Variants in RGS6 observed in about 807,000 individuals in gnomAD.
The protein encoded by RGS6 is regulator of G protein signaling 6, also known as regulator of G-protein signaling 6.
Under a neutral mutation model 78.5 loss-of-function variants are expected in RGS6, and 30 were observed. That is an observed-to-expected ratio of 0.38 (90% CI 0.29 to 0.52). The LOEUF is 0.52. Among genes scored for constraint, RGS6 ranks in the 20% least tolerant of loss-of-function variants. The pLI, the probability that RGS6 is intolerant of heterozygous loss-of-function variation, is 0.85. For missense variants in RGS6, 495 were observed against 609.7 expected, an observed-to-expected ratio of 0.81 and a Z score of 1.98; for synonymous variants, 206 against 206.0, an observed-to-expected ratio of 1.00 and a Z score of 0.00.
At chr14:72,302,459 G>A (rs1211658452) in intron 2 of RGS6, among the ~76,000 whole-genome samples, 3 of 152,198 alleles carry the variant, frequency 2.0e-5, no homozygotes, top group South Asian at 2.1e-4. Flanking sequence ...TCAGGGCAAA[G>A]TCTTGTCCTT....
chr14:72,265,324 C>G (rs1008700283), intron 2 of RGS6, among the ~76,000 whole-genome samples: 1 of 152,180 alleles, frequency 6.6e-6, no homozygotes, highest in South Asian at 2.1e-4. Flanking sequence ...TGGGTCCAAG[C>G]CCCTTGACCC....
intron 2 of RGS6, among the ~76,000 whole-genome samples, chr14:72,013,271 C>CAAAAAAA (rs59579709): frequency 9.1e-5 from 7 of 77,050 alleles, no homozygotes; most frequent in East Asian, 3.7e-4. Flanking sequence ...ACTCCGTCTC[C>CAAAAAAA]AAAAAAAAAA....
At chr14:72,133,556 C>A (rs1180049515) in intron 2 of RGS6, among the ~76,000 whole-genome samples, 1 of 152,124 alleles carries the variant, frequency 6.6e-6, no homozygotes, top group African/African-American at 2.4e-5. Flanking sequence ...GCTACTGTCC[C>A]CTGGCTTGCA....
chr14:72,397,807 A>G (rs2091683418), intron 3 of RGS6, among the ~76,000 whole-genome samples: 1 of 152,206 alleles, frequency 6.6e-6, no homozygotes, highest in Non-Finnish European at 1.5e-5. Flanking sequence ...TTTTGAGATA[A>G]TCATGTGGTT....
chr14:72,319,396 C>G (rs1446110867), intron 2 of RGS6, among the ~76,000 whole-genome samples: 5 of 150,224 alleles, frequency 3.3e-5, no homozygotes, highest in African/African-American at 1.2e-4. Flanking sequence ...GTTGCCCAGG[C>G]TGGAGTGCAG....
At chr14:72,347,401 G>A (rs570846013) in intron 2 of RGS6, among the ~76,000 whole-genome samples, 1 of 152,308 alleles carries the variant, frequency 6.6e-6, no homozygotes, top group South Asian at 2.1e-4. Context: ...TCATGAGATG[G>A]TTGAGAATCT....
rs1330202333 is a variant in RGS6, at chr14:72,213,952, C to T, written c.85-138143C>T. ...TCTTTTCTTGATGACCTAGCTTCAT[C>T]TTTAAGACTATTATCACATTGTGCT... On this transcript the variant is annotated intron_variant, in intron 2 of 17. Coordinates refer to ENST00000553525, the MANE Select transcript of RGS6 (RefSeq NM_001204424.2). Among the ~76,000 whole-genome samples the T allele has an allele frequency of 2.0e-5, 3 of 152,076 alleles. No individual in the cohort carries two copies. The East Asian group carries it at 5.8e-4, about 29-fold the overall frequency.
intron 2 of RGS6, among the ~76,000 whole-genome samples, chr14:72,003,420 C>T (rs1053926738): frequency 3.3e-5 from 5 of 152,212 alleles, no homozygotes; most frequent in Admixed American, 1.3e-4. Context: ...TTTTGTGCAA[C>T]TGTCACTGCT....
At chr14:72,143,597 G>A (rs1357895811) in intron 2 of RGS6, among the ~76,000 whole-genome samples, 1 of 152,142 alleles carries the variant, frequency 6.6e-6, no homozygotes, top group Admixed American at 6.5e-5. Context: ...ATGGCTTTTG[G>A]GGTGCAGTTT....
At position 72,052,999 on chromosome 14, in the gene RGS6, CTCTCTCTT is replaced by C. The variant is rs1413724332; in HGVS notation, c.84+88128_84+88135del. ...TTTCTTTCTTTCTCTCTCTCTCTCT[CTCTCTCTT>C]TCTTTCCTTCTTTCTTTCTTTCCCC... On this transcript the variant is annotated intron_variant, in intron 2 of 17. Coordinates refer to ENST00000553525, the MANE Select transcript of RGS6 (RefSeq NM_001204424.2). Among the ~76,000 whole-genome samples, 246 of 100,068 alleles carry C rather than the reference CTCTCTCTT, an allele frequency of 2.5e-3. 2 individuals are homozygous for C. The highest frequency in any genetic ancestry group is 3.9e-3 in the Admixed American group (38 of 9,870). The allele number at this position is 100,068 out of a possible 152,430, so 65.6% of individuals were successfully genotyped here.
chr14:72,092,691 T>G (rs1196047571), intron 2 of RGS6, among the ~76,000 whole-genome samples: 1 of 152,202 alleles, frequency 6.6e-6, no homozygotes, highest in African/African-American at 2.4e-5. Flanking sequence ...CTCAGCTCCC[T>G]TTAGTTTTTA....
chr14:72,251,676 A>T (rs1346747821), intron 2 of RGS6, among the ~76,000 whole-genome samples: 1 of 152,192 alleles, frequency 6.6e-6, no homozygotes, highest in Non-Finnish European at 1.5e-5. Flanking sequence ...GTGGACATAA[A>T]GATGGGAACA....
rs1436156027 is a variant in RGS6 at position 71,972,052 on chromosome 14, A to G, written c.84+7177A>G. On this transcript the variant is annotated intron_variant, in intron 2 of 17. Transcript: ENST00000553525. ...TTAAGTTCTAGGGTACATGTGCACA[A>G]CGTGCAGGTTTGTTACATAGGTATA... Among the ~76,000 whole-genome samples the G allele has an allele frequency of 2.6e-5, 4 of 152,142 alleles. No homozygotes were observed. In the East Asian group the frequency reaches 7.7e-4, roughly 29 times the overall value.
chr14:72,200,626 T>A (rs2041282941), intron 2 of RGS6, among the ~76,000 whole-genome samples: 1 of 147,476 alleles, frequency 6.8e-6, no homozygotes, highest in South Asian at 2.2e-4. Flanking sequence ...AAACACACAG[T>A]CCTCCTCAGT....
At chr14:71,969,601 G>C (rs2093693895) in intron 2 of RGS6, among the ~76,000 whole-genome samples, 1 of 152,102 alleles carries the variant, frequency 6.6e-6, no homozygotes, top group Non-Finnish European at 1.5e-5. Flanking sequence ...TCTACTTCTT[G>C]TTTTGTTTTC....
At chr14:71,971,342 C>T (rs1790155955) in intron 2 of RGS6, among the ~76,000 whole-genome samples, 1 of 152,168 alleles carries the variant, frequency 6.6e-6, no homozygotes, top group African/African-American at 2.4e-5. Context: ...AATTTCTTCT[C>T]CTGGGTCTCA....
intron 2 of RGS6, among the ~76,000 whole-genome samples, chr14:72,047,646 A>G (rs1371170305): frequency 6.6e-6 from 1 of 152,216 alleles, no homozygotes; most frequent in East Asian, 1.9e-4. Context: ...CAGATATGGC[A>G]TTAACAGTGA....
intron 2 of RGS6, among the ~76,000 whole-genome samples, chr14:72,259,637 G>A (rs1325243750): frequency 6.6e-6 from 1 of 152,178 alleles, no homozygotes; most frequent in Non-Finnish European, 1.5e-5. Flanking sequence ...GCCGGGCGCG[G>A]TGGCTCACGC....
chr14:72,334,124 T>C (rs1485053303), intron 2 of RGS6, among the ~76,000 whole-genome samples: 3 of 152,224 alleles, frequency 2.0e-5, no homozygotes, highest in Non-Finnish European at 4.4e-5. Flanking sequence ...CAGCATATAA[T>C]TGCTGTCCAG....
Sources: allele counts gnomAD v4.1 joint callset (sites outside exome capture counted in the v4.1 genomes callset), GRCh38; gene constraint gnomAD v4.1.1; transcripts MANE v1.5; gene names NCBI Gene and HGNC (gene_info 2026-07-23, HGNC 2026-07-21).